The following ENTREP2 variants were observed in gnomAD, a reference collection of about 807,000 sequenced individuals.
ENTREP2 encodes protein ENTREP2.
At chr15:29,462,340 G>A in the ENTREP2 span, among the ~76,000 whole-genome samples, 1 of 152,062 alleles carries the variant, frequency 6.6e-6, no homozygotes, top group Admixed American at 6.6e-5. Context: ...TTTGTTCAGT[G>A]GCTCACACCT....
At chr15:29,223,794 A>C in the ENTREP2 span, among the ~76,000 whole-genome samples, 1 of 152,144 alleles carries the variant, frequency 6.6e-6, no homozygotes, top group Admixed American at 6.5e-5. Context: ...AGTCCCTGCA[A>C]CAGGAAGGCC....
At chr15:29,441,555 C>CGT in the ENTREP2 span, among the ~76,000 whole-genome samples, 1,445 of 152,036 alleles carry the variant, frequency 9.5e-3, 28 homozygotes, top group African/African-American at 0.032. Context: ...GTTATGCGCA[C>CGT]GTGTGTGTGT....
the ENTREP2 span, among the ~76,000 whole-genome samples, chr15:29,159,646 T>C: frequency 7.8e-3 from 1,184 of 152,240 alleles, 14 homozygotes; most frequent in African/African-American, 0.027. Context: ...CTAGATTAGC[T>C]AGATACAGTG....
chr15:29,368,704 A>G, the ENTREP2 span, among the ~76,000 whole-genome samples: 11 of 152,010 alleles, frequency 7.2e-5, 1 homozygote, highest in Admixed American at 7.2e-4. Flanking sequence ...AGATACTATC[A>G]TTAACAAAAA....
At chr15:29,346,859 C>T in the ENTREP2 span, among the ~76,000 whole-genome samples, 1 of 152,176 alleles carries the variant, frequency 6.6e-6, no homozygotes, top group African/African-American at 2.4e-5. Context: ...TAAAGCTAAC[C>T]TCCAAAAGGC....
chr15:29,335,676 A>G, the ENTREP2 span, among the ~76,000 whole-genome samples: 1 of 152,210 alleles, frequency 6.6e-6, no homozygotes, highest in Non-Finnish European at 1.5e-5. Flanking sequence ...TGCCCCAGCC[A>G]GAGGTCAGCC....
the ENTREP2 span, among the ~76,000 whole-genome samples, chr15:29,556,609 G>A: frequency 6.6e-5 from 10 of 152,260 alleles, no homozygotes; most frequent in South Asian, 1.5e-3. Context: ...AGCCTTTCTT[G>A]CAAGATCTCT....
At chr15:29,519,082 C>T in the ENTREP2 span, among the ~76,000 whole-genome samples, 129 of 152,116 alleles carry the variant, frequency 8.5e-4, 1 homozygote, top group African/African-American at 3.0e-3. Context: ...GGAAAACAAG[C>T]CTGCATATTT....
chr15:29,580,762 A>C, the ENTREP2 span, among the ~76,000 whole-genome samples: 374 of 152,328 alleles, frequency 2.5e-3, 4 homozygotes, highest in African/African-American at 8.8e-3. Flanking sequence ...TGTTTCCTCA[A>C]ATATGGTATA....
chr15:29,204,115 G>T, the ENTREP2 span, among the ~76,000 whole-genome samples: 1 of 152,144 alleles, frequency 6.6e-6, no homozygotes, highest in Non-Finnish European at 1.5e-5. Flanking sequence ...TCGACATCTG[G>T]GTGTGCAGGC....
the ENTREP2 span, among the ~76,000 whole-genome samples, chr15:29,143,677 C>A: frequency 6.6e-6 from 1 of 152,182 alleles, no homozygotes; most frequent in Non-Finnish European, 1.5e-5. Context: ...CCCACAGTGA[C>A]CTTCCTCCTT....
the ENTREP2 span, among the ~76,000 whole-genome samples, chr15:29,207,184 G>A: frequency 2.6e-5 from 4 of 152,132 alleles, no homozygotes; most frequent in Non-Finnish European, 4.4e-5. Context: ...CAGACCTGAG[G>A]ACAAAGCCGG....
At chr15:29,143,824 C>T in the ENTREP2 span, among the ~76,000 whole-genome samples, 852 of 152,052 alleles carry the variant, frequency 5.6e-3, 11 homozygotes, top group Middle Eastern at 0.024. Context: ...ACAAAGAGGC[C>T]GACATACAGG....
the ENTREP2 span, among the ~76,000 whole-genome samples, chr15:29,611,693 T>A: frequency 4.6e-5 from 7 of 152,150 alleles, no homozygotes; most frequent in African/African-American, 1.7e-4. Context: ...AGTGGCTTTA[T>A]CTCGGGGTTT....
At chr15:29,482,129 C>T in the ENTREP2 span, among the ~76,000 whole-genome samples, 5 of 151,276 alleles carry the variant, frequency 3.3e-5, no homozygotes, top group Non-Finnish European at 7.4e-5. Context: ...TCCCAAGTAG[C>T]TGGGATTACA....
chr15:29,251,948 G>A, the ENTREP2 span, among the ~76,000 whole-genome samples: 1,323 of 152,194 alleles, frequency 8.7e-3, 20 homozygotes, highest in African/African-American at 0.031. Flanking sequence ...TAACTATATT[G>A]TTTTGATATA....
At chr15:29,461,974 G>A in the ENTREP2 span, among the ~76,000 whole-genome samples, 1 of 152,120 alleles carries the variant, frequency 6.6e-6, no homozygotes, top group South Asian at 2.1e-4. Flanking sequence ...ACTACTCTAT[G>A]TCCCTCATAT....
At chr15:29,545,711 C>G in the ENTREP2 span, among the ~76,000 whole-genome samples, 3 of 152,170 alleles carry the variant, frequency 2.0e-5, no homozygotes, top group Non-Finnish European at 4.4e-5. Context: ...ACCCTTGTCT[C>G]TCACTTTTCA....
the ENTREP2 span, among the ~76,000 whole-genome samples, chr15:29,331,694 G>A: frequency 1.3e-5 from 2 of 152,282 alleles, no homozygotes; most frequent in Middle Eastern, 3.4e-3. Flanking sequence ...CAAGCTGAGC[G>A]GCTGGGAAGA....
Sources: gnomAD v4.1 joint callset for allele counts (sites outside exome capture counted in the v4.1 genomes callset) on GRCh38, gnomAD v4.1.1 for gene constraint, MANE v1.5 for transcripts, NCBI Gene and HGNC (gene_info 2026-07-23, HGNC 2026-07-21) for gene names.